PPP6R3: variants seen among roughly 807,000 people sequenced by gnomAD.
The protein encoded by PPP6R3 is serine/threonine-protein phosphatase 6 regulatory subunit 3.
A neutral mutation model predicts 110.7 loss-of-function variants in PPP6R3; 38 were observed. The observed-to-expected ratio is 0.34, with a 90% CI of 0.26 to 0.45. The LOEUF (loss-of-function observed/expected upper bound fraction) is 0.45, where lower values mean the gene tolerates loss of function less well. Among genes scored for constraint, PPP6R3 ranks in the 20% least tolerant of loss-of-function variants. PPP6R3 has a pLI of 1.00. For missense variants in PPP6R3, 870 were observed against 1,062.4 expected (o/e 0.82, Z 2.52); for synonymous variants, 369 against 373.5 (o/e 0.99, Z 0.14).
At position 68,575,963 on chromosome 11, in the gene PPP6R3, C is replaced by A; in HGVS notation, c.1465C>A (p.Pro489Thr). Reference protein sequence around the residue: ...ALVQQLIKDLPDEVRERWETF... With the variant: ...ALVQQLIKDLTDEVRERWETF... ...TTGCTTTTCTCACTCTGAAGATCTT[C>A]CCGACGAAGTCAGGGAACGATGGGA... The change falls in exon 14 of 24, where the codon CCC becomes ACC. Residue 489 changes from proline to threonine, a missense_variant. By Grantham distance (38) the Pro-to-Thr change is conservative. Transcript: ENST00000393800. The A allele has an allele frequency of 6.2e-7, 1 of 1,609,148 alleles. No homozygotes were observed. The highest frequency in any genetic ancestry group is 1.1e-5 in the South Asian group (1 of 90,532).
chr11:68,470,859 C>T (rs888918570), intron 1 of PPP6R3, among the ~76,000 whole-genome samples: 16 of 152,002 alleles, frequency 1.1e-4, no homozygotes, highest in African/African-American at 3.1e-4. Context: ...GGAAGAACAG[C>T]GTGTGGAAGT....
At chr11:68,573,544 A>G (rs1182777736) in intron 12 of PPP6R3, among the ~76,000 whole-genome samples, 9 of 152,160 alleles carry the variant, frequency 5.9e-5, no homozygotes, top group South Asian at 4.1e-4. Flanking sequence ...TGTGTTCAGA[A>G]TGGTGTATGG....
intron 19 of PPP6R3, among the ~76,000 whole-genome samples, chr11:68,598,100 C>G (rs1269487490): frequency 6.6e-6 from 1 of 152,174 alleles, no homozygotes; most frequent in African/African-American, 2.4e-5. Flanking sequence ...TCTACTTCCC[C>G]AGTCCCTAGC....
Position 68,609,422 on chromosome 11 carries a change from C to T in PPP6R3, c.2451-482C>T. On this transcript the variant is annotated intron_variant, in intron 22 of 23. Transcript: ENST00000393800. ...TCTGTCTTGCTGCTTTAATGGTGGG[C>T]TTGGCCCCAAAAGCAAAGTGCTTTA... 8.1e-6 allele frequency: 6 copies of T among 738,040 alleles called. No individual in the cohort carries two copies. The South Asian group carries it at 8.9e-5, about 11-fold the overall frequency. The allele number at this position is 738,040 out of a possible 1,614,324, so 45.7% of individuals were successfully genotyped here.
intron 1 of PPP6R3, among the ~76,000 whole-genome samples, chr11:68,461,380 C>T (rs1223552309): frequency 4.0e-5 from 6 of 151,748 alleles, no homozygotes; most frequent in African/African-American, 1.2e-4. Flanking sequence ...CATCGGGATC[C>T]ACACCAGCCA....
intron 2 of PPP6R3, among the ~76,000 whole-genome samples, chr11:68,532,963 C>T (rs1357756131): frequency 1.3e-5 from 2 of 152,206 alleles, no homozygotes; most frequent in Non-Finnish European, 2.9e-5. Context: ...GTCTGTATCC[C>T]TGTCATTATT....
At chr11:68,474,233 CAG>C (rs1476242613) in intron 1 of PPP6R3, among the ~76,000 whole-genome samples, 2 of 152,068 alleles carry the variant, frequency 1.3e-5, no homozygotes, top group African/African-American at 2.4e-5. Context: ...TTTGTAGAGA[CAG>C]GGGTCTTGCT....
intron 13 of PPP6R3, 145 bp downstream of exon 13, chr11:68,574,369 TGA>T (rs2099522205): frequency 1.6e-6 from 1 of 628,684 alleles, no homozygotes; most frequent in Admixed American, 2.7e-5. Context: ...ATGAGGTTCT[TGA>T]GAATGTGTTT....
chr11:68,516,057 A>G (rs963384338), intron 1 of PPP6R3, among the ~76,000 whole-genome samples: 1 of 152,178 alleles, frequency 6.6e-6, no homozygotes. Flanking sequence ...TTGGAATTAC[A>G]TAGTCTTCTG....
Position 68,495,730 on chromosome 11 carries a change from A to G in PPP6R3, c.-157-23771A>G, listed in dbSNP as rs78143907. 7.5e-3 allele frequency among the ~76,000 whole-genome samples: 1,149 copies of G among 152,286 alleles called. 16 individuals carry two copies. The highest frequency in any genetic ancestry group is 0.031 in the South Asian group (149 of 4,830). ...AATATTACCTTTTATTTATTCATTC[A>G]TCAGTTGATAGATACTTGGATGTTT... On this transcript the variant is annotated intron_variant, in intron 1 of 23. Transcript: ENST00000393800.
intron 1 of PPP6R3, among the ~76,000 whole-genome samples, chr11:68,496,698 C>T (rs979951949): frequency 1.3e-5 from 2 of 152,002 alleles, no homozygotes; most frequent in African/African-American, 2.4e-5. Context: ...GTCTCAAACT[C>T]GGCCTCAAGC....
intron 1 of PPP6R3, among the ~76,000 whole-genome samples, chr11:68,504,747 G>A (rs554439339): frequency 3.3e-5 from 5 of 152,298 alleles, no homozygotes; most frequent in Non-Finnish European, 7.4e-5. Flanking sequence ...GGAAAGAACA[G>A]TCCAAACCTT....
At chr11:68,581,182 G>T (rs1231362826) in intron 14 of PPP6R3, among the ~76,000 whole-genome samples, 2 of 152,196 alleles carry the variant, frequency 1.3e-5, no homozygotes, top group African/African-American at 2.4e-5. Flanking sequence ...TGTGTGCATT[G>T]TGTTACTAAT....
chr11:68,548,003 TAAAAG>T, intron 4 of PPP6R3, 59 bp from the exon 5 acceptor site: 1 of 1,510,838 alleles, frequency 6.6e-7, no homozygotes, highest in Non-Finnish European at 8.9e-7. Flanking sequence ...GGTTGGGACT[TAAAAG>T]GTAAAGTTTA....
At chr11:68,590,778 G>C (rs1037659725) in intron 17 of PPP6R3, 64 bp downstream of exon 17, 15 of 1,457,820 alleles carry the variant, frequency 1.0e-5, no homozygotes, top group African/African-American at 8.3e-5. Flanking sequence ...GTGAGTCCCT[G>C]TGTGGATGCC....
At chr11:68,557,045 TG>T (rs1387146209) in intron 7 of PPP6R3, among the ~76,000 whole-genome samples, 1 of 152,236 alleles carries the variant, frequency 6.6e-6, no homozygotes, top group Non-Finnish European at 1.5e-5. Context: ...TATGGTTGAA[TG>T]AAGAGAGTGT....
intron 21 of PPP6R3, among the ~76,000 whole-genome samples, chr11:68,603,110 C>T (rs926155242): frequency 7.3e-5 from 11 of 150,256 alleles, no homozygotes; most frequent in African/African-American, 9.8e-5. Flanking sequence ...GGGATGTAGG[C>T]GACTTGCTAG....
chr11:68,574,142 A>G lies in PPP6R3; in HGVS notation c.1377A>G (p.Gly459=), dbSNP rs1425733237. 7.4e-6 allele frequency: 12 copies of G among 1,614,046 alleles called. No individual in the cohort carries two copies. The highest frequency in any genetic ancestry group is 3.4e-6 in the Non-Finnish European group (4 of 1,179,912). Residue 459 remains glycine, a synonymous_variant, in exon 13 of 24, where the codon GGA becomes GGG. Transcript: ENST00000393800. ...GAGGAAGACGGCATGGTTACATGGG[A>G]CACCTAACGAGGATAGCTAACTGTA... ...AEGGRRHGYM[G]HLTRIANCIV... is the part of the protein sequence containing the mutation.
At chr11:68,559,731 G>C (rs2099411832) in intron 8 of PPP6R3, among the ~76,000 whole-genome samples, 1 of 152,064 alleles carries the variant, frequency 6.6e-6, no homozygotes, top group Non-Finnish European at 1.5e-5. Flanking sequence ...AGGAAAATCA[G>C]TACCATCTTC....
Sources: gnomAD v4.1 joint callset for allele counts (sites outside exome capture counted in the v4.1 genomes callset) on GRCh38, gnomAD v4.1.1 for gene constraint, MANE v1.5 for transcripts, NCBI Gene and HGNC (gene_info 2026-07-23, HGNC 2026-07-21) for gene names.